Variants in CFAP91 observed in about 807,000 individuals in gnomAD.
CFAP91 encodes the protein cilia- and flagella-associated protein 91.
Under a neutral mutation model 95.9 loss-of-function variants are expected in CFAP91, and 85 were observed. That is an observed-to-expected ratio of 0.89 (90% CI 0.74 to 1.06). The LOEUF (loss-of-function observed/expected upper bound fraction) is 1.06, where lower values mean the gene tolerates loss of function less well. Among genes scored for constraint, CFAP91 ranks in the 50% least tolerant of loss-of-function variants. The pLI, the probability that CFAP91 is intolerant of heterozygous loss-of-function variation, is 0.00. For synonymous variants in CFAP91, 335 were observed against 327.5 expected, an observed-to-expected ratio of 1.02 and a Z score of -0.25; for missense variants, 962 against 943.4, an observed-to-expected ratio of 1.02 and a Z score of -0.26.
chr3:119,734,853 T>C (rs1489796520), intron 10 of CFAP91, among the ~76,000 whole-genome samples: 1 of 152,238 alleles, frequency 6.6e-6, no homozygotes, highest in African/African-American at 2.4e-5. Context: ...AAGATTGGGA[T>C]GATTTGTTCC....
chr3:119,733,144 A>G (rs1244319077), intron 9 of CFAP91, among the ~76,000 whole-genome samples: 3 of 152,212 alleles, frequency 2.0e-5, no homozygotes, highest in Non-Finnish European at 4.4e-5. Flanking sequence ...TCACTTTAGA[A>G]TGCATTTCTC....
chr3:119,757,920 G>T (rs1275429476), intron 17 of CFAP91, among the ~76,000 whole-genome samples: 2 of 152,092 alleles, frequency 1.3e-5, no homozygotes, highest in African/African-American at 4.8e-5. Context: ...TTCTGCTTGA[G>T]AAATGTTTGA....
In CFAP91 at chr3:119,766,358, G is replaced by T. The variant is rs2054627707; in HGVS notation, c.*1308G>T. 1 of 151,984 alleles carries T rather than the reference G, an allele frequency of 6.6e-6. No homozygotes were observed. The highest frequency in any genetic ancestry group is 2.1e-4 in the South Asian group (1 of 4,806). The allele number at this position is 151,984 out of a possible 1,614,324, so 9.4% of individuals were successfully genotyped here. On this transcript the variant is annotated 3_prime_UTR_variant, in exon 18 of 18. Transcript: ENST00000273390. ...AAACTAATTATACAAACTTGAAAGG[G>T]TTCACCTTGCCCTAGCAAAACTAGG...
At chr3:119,730,510 A>T (rs2053874438) in intron 8 of CFAP91, 133 bp downstream of exon 8, 2 of 851,394 alleles carry the variant, frequency 2.3e-6, no homozygotes, top group South Asian at 3.5e-5. Context: ...CTAAGAGATG[A>T]GTTATTTCTT....
chr3:119,747,775 C>A (rs772798365), intron 15 of CFAP91, 36 bp from the exon 16 acceptor site: 45 of 1,576,280 alleles, frequency 2.9e-5, no homozygotes, highest in East Asian at 9.0e-5. Flanking sequence ...AGTGAAAAAA[C>A]CAAAGAAATA....
chr3:119,751,693 A>C (rs547054763), intron 17 of CFAP91, among the ~76,000 whole-genome samples: 4 of 152,346 alleles, frequency 2.6e-5, no homozygotes, highest in Admixed American at 6.5e-5. Context: ...ATACCCATGC[A>C]GAACACATAG....
chr3:119,735,072 A>G (rs1180449402), intron 10 of CFAP91, among the ~76,000 whole-genome samples: 1 of 151,816 alleles, frequency 6.6e-6, no homozygotes. Flanking sequence ...AATCTTTTAA[A>G]TGTTTGTTTT....
In CFAP91 at chr3:119,733,552, G is replaced by C. The variant is rs771057780; in HGVS notation, c.1344+46G>C. 3.2e-5 allele frequency: 51 copies of C among 1,586,242 alleles called. 3 individuals carry two copies. In the South Asian group the frequency reaches 5.1e-4, roughly 16 times the overall value. Reference sequence around the variant, plus strand: ...ACAAAATGCTTCTAGTATGATTTTTGCAGATAAATGCTACACTCCAAAAAT... The same window carrying C: ...ACAAAATGCTTCTAGTATGATTTTTCCAGATAAATGCTACACTCCAAAAAT... On this transcript the variant is annotated intron_variant, in intron 10 of 17. Transcript: ENST00000273390.
chr3:119,761,661 A>G (rs1215694327), intron 17 of CFAP91, among the ~76,000 whole-genome samples: 2 of 151,952 alleles, frequency 1.3e-5, no homozygotes, highest in African/African-American at 4.8e-5. Context: ...GATTCATCCT[A>G]CAGATGCAAG....
At chr3:119,735,717 G>C (rs1178661452) in intron 10 of CFAP91, among the ~76,000 whole-genome samples, 1 of 152,102 alleles carries the variant, frequency 6.6e-6, no homozygotes, top group African/African-American at 2.4e-5. Flanking sequence ...GGGTAGAGCA[G>C]GCACCTTAGA....
chr3:119,728,698 T>C (rs1460642770), intron 7 of CFAP91, among the ~76,000 whole-genome samples: 1 of 152,194 alleles, frequency 6.6e-6, no homozygotes. Flanking sequence ...CATCTTGCTG[T>C]CCCTCCAGTC....
Position 119,750,919 on chromosome 3 carries a change from T to C in CFAP91, c.2144-18T>C. The C allele has an allele frequency of 1.2e-6, 2 of 1,613,664 alleles. No homozygotes were observed. Among genetic ancestry groups the C allele is most frequent in the Non-Finnish European group, 1.7e-6 (2 of 1,179,656 alleles). On this transcript the variant is annotated intron_variant, in intron 16 of 17. Coordinates refer to ENST00000273390, the MANE Select transcript of CFAP91 (RefSeq NM_033364.4). ...TTCAGACTTTCAGAATGAAAATTTT[T>C]CTATTACTTTGGCACAGTGAGGAAC...
intron 10 of CFAP91, 57 bp from the exon 11 acceptor site, chr3:119,737,309 T>G (rs910943695): frequency 1.8e-5 from 21 of 1,154,978 alleles, no homozygotes; most frequent in Non-Finnish European, 1.1e-5. Context: ...TTTTACCTCT[T>G]AAATTTATGC....
At chr3:119,726,480 G>T (rs1577216070) in intron 7 of CFAP91, 132 bp downstream of exon 7, 9 of 818,044 alleles carry the variant, frequency 1.1e-5, no homozygotes, top group East Asian at 9.1e-5. Flanking sequence ...AGGAAATTGG[G>T]CATCCGGTTC....
intron 15 of CFAP91, 100 bp from the exon 16 acceptor site, chr3:119,747,711 G>A (rs970186489): frequency 4.4e-5 from 40 of 906,720 alleles, no homozygotes; most frequent in Non-Finnish European, 6.5e-5. Context: ...AAAGGTGATG[G>A]TGGGGTTTGA....
chr3:119,739,514 G>A, intron 12 of CFAP91, 188 bp downstream of exon 12: 1 of 554,302 alleles, frequency 1.8e-6, no homozygotes, highest in Non-Finnish European at 3.3e-6. Flanking sequence ...TTGTCCAGGT[G>A]GGTGGCACAG....
At chr3:119,715,303 C>T in intron 5 of CFAP91, 1 of 584,852 alleles carries the variant, frequency 1.7e-6, no homozygotes. Flanking sequence ...CAGTGACACA[C>T]ATATAAATAG....
At chr3:119,744,913 C>T (rs1275330144) in intron 14 of CFAP91, among the ~76,000 whole-genome samples, 1 of 152,156 alleles carries the variant, frequency 6.6e-6, no homozygotes, top group Non-Finnish European at 1.5e-5. Flanking sequence ...AACTTGCCAT[C>T]CTTTACCTAA....
chr3:119,712,832 G>T (rs533575407), intron 5 of CFAP91, among the ~76,000 whole-genome samples: 3 of 151,868 alleles, frequency 2.0e-5, no homozygotes, highest in Non-Finnish European at 4.4e-5. Context: ...GTGGGCACCT[G>T]TAATCCCAGC....
Sources: gnomAD v4.1 joint callset for allele counts (sites outside exome capture counted in the v4.1 genomes callset) on GRCh38, gnomAD v4.1.1 for gene constraint, MANE v1.5 for transcripts, NCBI Gene and HGNC (gene_info 2026-07-23, HGNC 2026-07-21) for gene names.